Variants in PCLO observed in about 807,000 individuals in gnomAD.
PCLO encodes the protein piccolo presynaptic cytomatrix protein.
Under a neutral mutation model 427.5 loss-of-function variants are expected in PCLO, and 82 were observed. That is an observed-to-expected ratio of 0.19 (90% confidence interval 0.16 to 0.23). The LOEUF is 0.23. Ranked by LOEUF, PCLO falls within the 10% of genes least tolerant of loss-of-function variation. The probability of loss-of-function intolerance (pLI) is 1.00; values close to 1 mark genes in which losing one functional copy is unlikely to be tolerated. For missense variants in PCLO, 6,239 were observed against 6,115.9 expected (o/e 1.02, Z -0.67); for synonymous variants, 2,357 against 2,155.4 (o/e 1.09, Z -2.59).
chr7:83,062,688 T>C (rs1413912630), intron 3 of PCLO, among the ~76,000 whole-genome samples: 2 of 152,106 alleles, frequency 1.3e-5, no homozygotes, highest in African/African-American at 4.8e-5. Context: ...AACTTCTACT[T>C]CTCTGTTTAA....
At chr7:82,904,698 C>CA in intron 8 of PCLO, among the ~76,000 whole-genome samples, 1 of 152,000 alleles carries the variant, frequency 6.6e-6, no homozygotes, top group Non-Finnish European at 1.5e-5. Flanking sequence ...GTGCATCTAT[C>CA]ACACAGTTTA....
At chr7:82,824,135 A>G (rs1053832676) in intron 19 of PCLO, 101 bp downstream of exon 19, 1 of 743,036 alleles carries the variant, frequency 1.3e-6, no homozygotes, top group East Asian at 2.7e-5. Flanking sequence ...AGTCGTGTCT[A>G]ATCTATTAAT....
intron 22 of PCLO, among the ~76,000 whole-genome samples, chr7:82,771,236 T>G (rs1302580329): frequency 6.6e-6 from 1 of 151,944 alleles, no homozygotes; most frequent in Admixed American, 6.6e-5. Flanking sequence ...CTTTTTTTCT[T>G]ATGTATCTAA....
At chr7:82,844,889 CCTTTTTA>C (rs1164483330) in intron 13 of PCLO, among the ~76,000 whole-genome samples, 1 of 151,972 alleles carries the variant, frequency 6.6e-6, no homozygotes, top group East Asian at 1.9e-4. Flanking sequence ...ATCACTGTGT[CCTTTTTA>C]CTTTTTACTT....
intron 3 of PCLO, among the ~76,000 whole-genome samples, chr7:83,105,310 C>A (rs556088383): frequency 6.6e-6 from 1 of 152,246 alleles, no homozygotes; most frequent in African/African-American, 2.4e-5. Context: ...ATGGCATTAG[C>A]CACATAAATA....
chr7:83,105,194 C>T (rs945233122), intron 3 of PCLO, among the ~76,000 whole-genome samples: 1 of 152,072 alleles, frequency 6.6e-6, no homozygotes, highest in Non-Finnish European at 1.5e-5. Flanking sequence ...TACAAGAAAG[C>T]AATACATCAC....
chr7:82,770,025 C>T (rs1790616170), intron 22 of PCLO, among the ~76,000 whole-genome samples: 2 of 152,042 alleles, frequency 1.3e-5, no homozygotes, highest in South Asian at 2.1e-4. Context: ...CTTATTAATG[C>T]CCTACTAGCT....
At chr7:82,807,465 A>C (rs781109016) in intron 20 of PCLO, among the ~76,000 whole-genome samples, 10 of 152,258 alleles carry the variant, frequency 6.6e-5, no homozygotes, top group Middle Eastern at 3.4e-3. Flanking sequence ...AATTATTCTT[A>C]ATCTGGTGGA....
At chr7:83,131,862 G>C (rs1382333059) in intron 3 of PCLO, among the ~76,000 whole-genome samples, 1 of 152,016 alleles carries the variant, frequency 6.6e-6, no homozygotes, top group East Asian at 1.9e-4. Context: ...TAGGAACACT[G>C]ACATTGTACC....
chr7:83,055,318 C>T (rs12112748), intron 3 of PCLO, among the ~76,000 whole-genome samples: 35,809 of 151,934 alleles, frequency 0.24, 4,809 homozygotes, highest in East Asian at 0.55. Flanking sequence ...TGTGACATTC[C>T]ATCACAATTA....
intron 3 of PCLO, among the ~76,000 whole-genome samples, chr7:83,122,723 AT>A (rs1791320857): frequency 6.6e-6 from 1 of 152,184 alleles, no homozygotes; most frequent in Non-Finnish European, 1.5e-5. Flanking sequence ...AAATAATATA[AT>A]CTTATATTTT....
At chr7:83,112,185 G>A (rs1240306946) in intron 3 of PCLO, among the ~76,000 whole-genome samples, 24 of 152,072 alleles carry the variant, frequency 1.6e-4, no homozygotes, top group Admixed American at 1.6e-3. Flanking sequence ...AGCCTCCTGA[G>A]TAGCTGAGAT....
At chr7:83,077,774 T>G (rs1292130031) in intron 3 of PCLO, among the ~76,000 whole-genome samples, 1 of 152,098 alleles carries the variant, frequency 6.6e-6, no homozygotes, top group Non-Finnish European at 1.5e-5. Flanking sequence ...AAATGGATTA[T>G]TGTTTTCTAT....
intron 3 of PCLO, among the ~76,000 whole-genome samples, chr7:83,032,953 T>C (rs552298830): frequency 2.0e-5 from 3 of 152,088 alleles, no homozygotes; most frequent in East Asian, 1.9e-4. Flanking sequence ...GGAGAAGTGA[T>C]TGGATCATGG....
At position 83,100,642 on chromosome 7, in the gene PCLO, G is replaced by A. The variant is rs1160069826; in HGVS notation, c.3300+33608C>T. Among the ~76,000 whole-genome samples, 5 of 152,078 alleles carry A rather than the reference G, an allele frequency of 3.3e-5. No homozygotes were observed. In the East Asian group the frequency reaches 7.7e-4, roughly 24 times the overall value. ...TCACATAGAGAGGAACAACACACAGGGGACCTTTTTGGAGGATGGAGGGTG... is the reference window on the plus strand; with the variant it reads ...TCACATAGAGAGGAACAACACACAGAGGACCTTTTTGGAGGATGGAGGGTG... On this transcript the variant is annotated intron_variant, in intron 3 of 24. Coordinates refer to ENST00000333891, the MANE Select transcript of PCLO (RefSeq NM_033026.6).
At chr7:82,776,904 A>ACG (rs200291980) in intron 22 of PCLO, among the ~76,000 whole-genome samples, 38 of 145,288 alleles carry the variant, frequency 2.6e-4, no homozygotes, top group African/African-American at 9.9e-4. Context: ...ATATAGATAT[A>ACG]CGCACACACA....
intron 22 of PCLO, among the ~76,000 whole-genome samples, chr7:82,763,211 G>A (rs1028690552): frequency 6.6e-6 from 1 of 152,022 alleles, no homozygotes; most frequent in Non-Finnish European, 1.5e-5. Context: ...GAGCATGTTG[G>A]TAAATAAATA....
intron 3 of PCLO, among the ~76,000 whole-genome samples, chr7:83,079,092 C>T (rs2116389501): frequency 6.6e-6 from 1 of 152,108 alleles, no homozygotes; most frequent in East Asian, 1.9e-4. Context: ...TTTTGCACTA[C>T]CATTTGACAT....
At chr7:83,088,541 C>T (rs1273688585) in intron 3 of PCLO, among the ~76,000 whole-genome samples, 1 of 152,070 alleles carries the variant, frequency 6.6e-6, no homozygotes, top group Non-Finnish European at 1.5e-5. Flanking sequence ...ACCAGGTAGC[C>T]GACTGGTACA....
Sources: allele counts gnomAD v4.1 joint callset (sites outside exome capture counted in the v4.1 genomes callset), GRCh38; gene constraint gnomAD v4.1.1; transcripts MANE v1.5; gene names NCBI Gene and HGNC (gene_info 2026-07-23, HGNC 2026-07-21).